HIBADH: variants seen among roughly 807,000 people sequenced by gnomAD.
HIBADH encodes the protein 3-hydroxyisobutyrate dehydrogenase, mitochondrial.
In HIBADH, 25 loss-of-function variants were observed where a neutral mutation model predicts 36.1. The observed-to-expected ratio is 0.69, with a 90% CI of 0.50 to 0.97. The LOEUF is 0.97. Ranked by LOEUF, HIBADH falls within the 50% of genes least tolerant of loss-of-function variation. The probability of loss-of-function intolerance (pLI) is 0.00; values close to 1 mark genes in which losing one functional copy is unlikely to be tolerated. For missense variants in HIBADH, 421 were observed against 418.0 expected, an observed-to-expected ratio of 1.01 and a Z score of -0.06; for synonymous variants, 160 against 149.5, an observed-to-expected ratio of 1.07 and a Z score of -0.51.
At chr7:27,621,337 C>T (rs1444783326) in intron 4 of HIBADH, among the ~76,000 whole-genome samples, 3 of 152,068 alleles carry the variant, frequency 2.0e-5, no homozygotes, top group Non-Finnish European at 2.9e-5. Context: ...AAGAAAAAAA[C>T]GTTGAATTTA....
At chr7:27,601,072 T>A (rs6651068) in intron 4 of HIBADH, among the ~76,000 whole-genome samples, 1,935 of 152,258 alleles carry the variant, frequency 0.013, 33 homozygotes, top group African/African-American at 0.04. Flanking sequence ...AACATCAGAT[T>A]TTCTTACAGC....
intron 1 of HIBADH, among the ~76,000 whole-genome samples, chr7:27,650,971 CT>C (rs1184881279): frequency 6.6e-6 from 1 of 152,124 alleles, no homozygotes; most frequent in Non-Finnish European, 1.5e-5. Flanking sequence ...CGTATGGTCC[CT>C]GTCCTTTAAA....
At chr7:27,604,276 G>T (rs1229469232) in intron 4 of HIBADH, among the ~76,000 whole-genome samples, 3 of 152,042 alleles carry the variant, frequency 2.0e-5, no homozygotes, top group Non-Finnish European at 2.9e-5. Context: ...AACAGTCATT[G>T]TAGGCAACTA....
intron 7 of HIBADH, among the ~76,000 whole-genome samples, chr7:27,529,785 G>A (rs1783964563): frequency 6.6e-6 from 1 of 152,230 alleles, no homozygotes; most frequent in Non-Finnish European, 1.5e-5. Flanking sequence ...CTATCAAACA[G>A]TAGCACATAA....
intron 2 of HIBADH, among the ~76,000 whole-genome samples, chr7:27,640,111 C>T (rs1785934461): frequency 6.6e-6 from 1 of 152,170 alleles, no homozygotes; most frequent in South Asian, 2.1e-4. Context: ...TGACTAGCTG[C>T]CTCCCTTATT....
intron 4 of HIBADH, among the ~76,000 whole-genome samples, chr7:27,568,924 T>TG (rs1784587029): frequency 6.6e-6 from 1 of 151,596 alleles, no homozygotes; most frequent in African/African-American, 2.4e-5. Context: ...TTTCCAAATT[T>TG]TTTTTTTTGT....
intron 4 of HIBADH, among the ~76,000 whole-genome samples, chr7:27,567,114 TGAGA>T (rs918303273): frequency 3.3e-5 from 5 of 152,182 alleles, no homozygotes; most frequent in African/African-American, 1.2e-4. Flanking sequence ...TATCCATTAC[TGAGA>T]GAGAAGTGTT....
intron 6 of HIBADH, among the ~76,000 whole-genome samples, chr7:27,535,961 TA>T (rs1286667373): frequency 6.6e-6 from 1 of 152,156 alleles, no homozygotes; most frequent in Non-Finnish European, 1.5e-5. Context: ...ACTCAATTTG[TA>T]AATGTTGACA....
Position 27,531,225 on chromosome 7 carries a change from A to T in HIBADH, c.819T>A (p.Tyr273Ter). The change falls in exon 7 of 8, where the codon TAT (tyrosine) becomes TAA (stop). Residue 273 changes from tyrosine to a stop codon, truncating the protein, a stop_gained. Coordinates refer to ENST00000265395, the MANE Select transcript of HIBADH (RefSeq NM_152740.4). LOFTEE classifies it high-confidence loss of function. ...VMDGVPSANN[Y>*]QGGFGTTLMA... ...TGAGTGTTGTTCCAAATCCACCCTG[A>T]TAGTTATTAGCCGAGGGAACGCCAT... The T allele has an allele frequency of 6.2e-7, 1 of 1,613,896 alleles. No individual in the cohort carries two copies. The highest frequency in any genetic ancestry group is 8.5e-7 in the Non-Finnish European group (1 of 1,179,902).
intron 4 of HIBADH, among the ~76,000 whole-genome samples, chr7:27,550,956 TGA>T (rs1349459040): frequency 2.0e-5 from 3 of 152,286 alleles, no homozygotes; most frequent in Non-Finnish European, 2.9e-5. Context: ...TGAAAATTAC[TGA>T]GAGTAGATTT....
At chr7:27,541,622 C>T (rs1173541708) in intron 5 of HIBADH, 1 of 318,620 alleles carries the variant, frequency 3.1e-6, no homozygotes, top group Non-Finnish European at 6.0e-6. Context: ...GACCTCAATC[C>T]ATGGTATGTA....
intron 4 of HIBADH, among the ~76,000 whole-genome samples, chr7:27,557,332 A>G (rs1482392850): frequency 1.3e-5 from 2 of 151,916 alleles, no homozygotes; most frequent in Non-Finnish European, 2.9e-5. Context: ...TTGCCTTTAT[A>G]GTTTTGTCAT....
intron 3 of HIBADH, 56 bp downstream of exon 3, chr7:27,632,280 T>C (rs7779990): frequency 0.76 from 858,366 of 1,128,840 alleles, 328,894 homozygotes; most frequent in East Asian, 0.97. Flanking sequence ...AGTTCTAACA[T>C]GTGAAATTCA....
intron 2 of HIBADH, among the ~76,000 whole-genome samples, chr7:27,643,679 G>A (rs10447552): frequency 0.76 from 115,315 of 152,142 alleles, 44,129 homozygotes; most frequent in East Asian, 0.94. Flanking sequence ...AAGCACCGTC[G>A]CTTAAAACAA....
chr7:27,609,950 G>A (rs1283486212), intron 4 of HIBADH, among the ~76,000 whole-genome samples: 1 of 151,868 alleles, frequency 6.6e-6, no homozygotes, highest in East Asian at 1.9e-4. Flanking sequence ...CTGAGTAGCT[G>A]GGATTAGAGG....
At position 27,525,450 on chromosome 7, in the gene HIBADH, A is replaced by G. The variant is rs1783875461; in HGVS notation, c.*764T>C. Reference sequence around the variant, plus strand: ...AAAACACCAAGAAAGTATTACCAGTATAGAAATTTATTTGAATTCAAAATA... The same window carrying G: ...AAAACACCAAGAAAGTATTACCAGTGTAGAAATTTATTTGAATTCAAAATA... On this transcript the variant is annotated 3_prime_UTR_variant, in exon 8 of 8. Coordinates refer to ENST00000265395, the MANE Select transcript of HIBADH (RefSeq NM_152740.4). 1 of 152,208 alleles carries G rather than the reference A, an allele frequency of 6.6e-6. No homozygotes were observed. The highest frequency in any genetic ancestry group is 2.4e-5 in the African/African-American group (1 of 41,448). The allele number at this position is 152,208 out of a possible 1,614,324, so 9.4% of individuals were successfully genotyped here.
chr7:27,586,654 A>AAGG lies in HIBADH; in HGVS notation c.484+42714_484+42716dup, dbSNP rs540391385. Among the ~76,000 whole-genome samples, 856 of 152,072 alleles carry AAGG rather than the reference A, an allele frequency of 5.6e-3. 4 individuals are homozygous for AAGG. Among genetic ancestry groups the AAGG allele is most frequent in the Admixed American group, 9.5e-3 (145 of 15,258 alleles). The stretch of plus-strand genomic sequence containing the variant: ...AAGGGGAGAGACAGAGAAGAAGAAA[A>AAGG]AGGAGGAGGAGGAGGAGGAGACAAA... On this transcript the variant is annotated intron_variant, in intron 4 of 7. Transcript: ENST00000265395.
intron 4 of HIBADH, among the ~76,000 whole-genome samples, chr7:27,571,355 T>A (rs1313937397): frequency 3.3e-5 from 5 of 152,140 alleles, no homozygotes; most frequent in African/African-American, 1.2e-4. Context: ...CCCGAGTAGC[T>A]GGGATTACAG....
chr7:27,609,505 A>T (rs1032635729), intron 4 of HIBADH, among the ~76,000 whole-genome samples: 5 of 152,214 alleles, frequency 3.3e-5, no homozygotes, highest in African/African-American at 4.8e-5. Flanking sequence ...TTATGGATAC[A>T]GAGTGATAAG....
Sources: allele counts gnomAD v4.1 joint callset (sites outside exome capture counted in the v4.1 genomes callset), GRCh38; gene constraint gnomAD v4.1.1; transcripts MANE v1.5; gene names NCBI Gene and HGNC (gene_info 2026-07-23, HGNC 2026-07-21).